Variants in CDH13 observed in about 807,000 individuals in gnomAD.
CDH13 encodes the protein cadherin-13.
Under a neutral mutation model 63.8 loss-of-function variants are expected in CDH13, and 24 were observed. That is an observed-to-expected ratio of 0.38 (90% CI 0.27 to 0.53). CDH13 has a LOEUF of 0.53. Ranked by LOEUF, CDH13 falls within the 20% of genes least tolerant of loss-of-function variation. The probability of loss-of-function intolerance (pLI) is 0.85; values close to 1 mark genes in which losing one functional copy is unlikely to be tolerated. For missense variants in CDH13, 1,049 were observed against 903.1 expected (o/e 1.16, Z -2.07); for synonymous variants, 503 against 355.3 (o/e 1.42, Z -4.67).
At chr16:83,091,569 G>T (rs996755860) in intron 3 of CDH13, among the ~76,000 whole-genome samples, 2 of 152,178 alleles carry the variant, frequency 1.3e-5, no homozygotes, top group Non-Finnish European at 2.9e-5. Flanking sequence ...GACTAAGTCA[G>T]CTCAAGCCAC....
intron 6 of CDH13, among the ~76,000 whole-genome samples, chr16:83,390,029 G>T (rs1334171255): frequency 6.6e-6 from 1 of 151,154 alleles, no homozygotes; most frequent in African/African-American, 2.5e-5. Context: ...TAGGCTTGCA[G>T]CTGGGGCCTT....
At chr16:83,403,625 A>AAATAATAAT (rs34397198) in intron 6 of CDH13, among the ~76,000 whole-genome samples, 3 of 151,250 alleles carry the variant, frequency 2.0e-5, no homozygotes, top group Admixed American at 6.6e-5. Context: ...TCCGTCTCAA[A>AAATAATAAT]AATAATAATA....
At chr16:82,967,173 G>A (rs901223510) in intron 2 of CDH13, among the ~76,000 whole-genome samples, 5 of 152,044 alleles carry the variant, frequency 3.3e-5, no homozygotes, top group African/African-American at 1.2e-4. Context: ...GTACAAGCAA[G>A]GAACTTCCTA....
At chr16:82,720,002 G>T (rs552211353) in intron 1 of CDH13, among the ~76,000 whole-genome samples, 1 of 152,098 alleles carries the variant, frequency 6.6e-6, no homozygotes, top group South Asian at 2.1e-4. Context: ...AAATTCTTAC[G>T]GCACGTTCCT....
At chr16:83,203,143 G>C (rs941733525) in intron 4 of CDH13, among the ~76,000 whole-genome samples, 6 of 152,154 alleles carry the variant, frequency 3.9e-5, no homozygotes, top group African/African-American at 1.4e-4. Flanking sequence ...AGAATTGCTT[G>C]AACCTGGCAG....
At chr16:83,703,118 C>G (rs971852156) in intron 10 of CDH13, among the ~76,000 whole-genome samples, 1 of 152,152 alleles carries the variant, frequency 6.6e-6, no homozygotes, top group Non-Finnish European at 1.5e-5. Context: ...CATCCCTAAG[C>G]CAAGGAAACA....
intron 1 of CDH13, among the ~76,000 whole-genome samples, chr16:82,715,677 A>G (rs1962981578): frequency 6.6e-6 from 1 of 152,186 alleles, no homozygotes; most frequent in South Asian, 2.1e-4. Context: ...TACCTGGGAA[A>G]TAGCAGAGAC....
At chr16:83,535,634 G>A (rs574672781) in intron 7 of CDH13, among the ~76,000 whole-genome samples, 1 of 152,332 alleles carries the variant, frequency 6.6e-6, no homozygotes, top group African/African-American at 2.4e-5. Flanking sequence ...TGCTGGGAAT[G>A]AAATGCTGAG....
intron 3 of CDH13, among the ~76,000 whole-genome samples, chr16:83,100,839 G>C (rs1443747585): frequency 1.3e-5 from 2 of 152,122 alleles, no homozygotes; most frequent in Non-Finnish European, 2.9e-5. Context: ...TCAGCCCTCA[G>C]CCACTTCCTG....
At chr16:83,646,712 A>AAAAAACACAC (rs1168012793) in intron 8 of CDH13, among the ~76,000 whole-genome samples, 20 of 80,480 alleles carry the variant, frequency 2.5e-4, no homozygotes, top group African/African-American at 5.0e-4. Flanking sequence ...AAAAAAAAAA[A>AAAAAACACAC]ACACACACAC....
chr16:83,663,161 A>C (rs1913596380), intron 8 of CDH13, among the ~76,000 whole-genome samples: 1 of 152,210 alleles, frequency 6.6e-6, no homozygotes, highest in African/African-American at 2.4e-5. Flanking sequence ...CAACTGATGG[A>C]GTGGTTACCC....
At chr16:83,671,146 A>G (rs1914466231) in intron 9 of CDH13, among the ~76,000 whole-genome samples, 174 bp downstream of exon 9, 1 of 152,236 alleles carries the variant, frequency 6.6e-6, no homozygotes, top group Non-Finnish European at 1.5e-5. Context: ...TATCCTCAGC[A>G]GCATAAACAA....
At chr16:82,717,850 G>A (rs974082737) in intron 1 of CDH13, among the ~76,000 whole-genome samples, 2 of 133,604 alleles carry the variant, frequency 1.5e-5, no homozygotes, top group Non-Finnish European at 3.2e-5. Context: ...TACTGTAGTA[G>A]GGGTTCATCA....
At chr16:82,946,206 G>A (rs1322737547) in intron 2 of CDH13, among the ~76,000 whole-genome samples, 1 of 151,490 alleles carries the variant, frequency 6.6e-6, no homozygotes, top group East Asian at 1.9e-4. Flanking sequence ...ATGGATGGAT[G>A]GATACATGGA....
chr16:83,174,929 T>G (rs755515574), intron 4 of CDH13, among the ~76,000 whole-genome samples: 2 of 152,048 alleles, frequency 1.3e-5, no homozygotes, highest in Non-Finnish European at 2.9e-5. Context: ...TGAGAACAGC[T>G]TGGGGGAACT....
intron 2 of CDH13, among the ~76,000 whole-genome samples, chr16:82,877,037 T>G (rs1787165481): frequency 6.6e-6 from 1 of 152,208 alleles, no homozygotes; most frequent in African/African-American, 2.4e-5. Context: ...CAAGACTACA[T>G]TTATGAGAAC....
intron 11 of CDH13, among the ~76,000 whole-genome samples, chr16:83,750,732 G>A (rs921650867): frequency 2.6e-5 from 4 of 152,290 alleles, no homozygotes; most frequent in African/African-American, 7.2e-5. Context: ...TCCAGCAGCT[G>A]GGGGAGAGGC....
intron 4 of CDH13, among the ~76,000 whole-genome samples, chr16:83,179,566 G>A (rs914664239): frequency 6.6e-6 from 1 of 151,590 alleles, no homozygotes; most frequent in African/African-American, 2.4e-5. Context: ...GCAGGGGAAT[G>A]GAGTGAACCC....
At chr16:83,327,494 G>C (rs1251764390) in intron 5 of CDH13, among the ~76,000 whole-genome samples, 1 of 152,168 alleles carries the variant, frequency 6.6e-6, no homozygotes, top group Non-Finnish European at 1.5e-5. Flanking sequence ...TTGTTCATTT[G>C]TTACATTTAT....
Sources: gnomAD v4.1 joint callset for allele counts (sites outside exome capture counted in the v4.1 genomes callset) on GRCh38, gnomAD v4.1.1 for gene constraint, MANE v1.5 for transcripts, NCBI Gene and HGNC (gene_info 2026-07-23, HGNC 2026-07-21) for gene names.